WLS: variants seen among roughly 807,000 people sequenced by gnomAD.
The protein encoded by WLS is protein wntless homolog.
A neutral mutation model predicts 62.8 loss-of-function variants in WLS; 23 were observed. The observed-to-expected ratio is 0.37, with a 90% CI of 0.26 to 0.52. WLS has a LOEUF of 0.52. WLS is among the 20% of genes least tolerant of loss of function. WLS has a pLI of 0.92. For missense variants in WLS, 615 were observed against 697.3 expected (o/e 0.88, Z 1.33); for synonymous variants, 246 against 244.1 (o/e 1.01, Z -0.07).
chr1:68,211,227 C>G (rs570261319), intron 1 of WLS, among the ~76,000 whole-genome samples: 1 of 151,652 alleles, frequency 6.6e-6, no homozygotes, highest in Admixed American at 6.6e-5. Flanking sequence ...CTTGGAAAAC[C>G]GACTACATTG....
chr1:68,174,836 C>G (rs1431484468), intron 2 of WLS, among the ~76,000 whole-genome samples: 1 of 152,196 alleles, frequency 6.6e-6, no homozygotes, highest in Non-Finnish European at 1.5e-5. Flanking sequence ...CATTGATGTT[C>G]CTATCATGTA....
intron 10 of WLS, among the ~76,000 whole-genome samples, chr1:68,140,657 G>C (rs1646672299): frequency 6.6e-6 from 1 of 152,184 alleles, no homozygotes; most frequent in South Asian, 2.1e-4. Context: ...TGGAGTTGCA[G>C]AATTACACAC....
chr1:68,103,002 G>A (rs1274773041), intron 11 of WLS, among the ~76,000 whole-genome samples: 1 of 151,902 alleles, frequency 6.6e-6, no homozygotes, highest in Non-Finnish European at 1.5e-5. Context: ...TTTGCCGGGG[G>A]CACTGTCACC....
chr1:68,227,400 C>T (rs542003644), intron 1 of WLS, among the ~76,000 whole-genome samples: 103 of 84,300 alleles, frequency 1.2e-3, no homozygotes, highest in Non-Finnish European at 2.0e-3. Context: ...AACGAGACTC[C>T]GTCACAAAAA....
In WLS at chr1:68,162,545, G is replaced by A. The variant is rs143075019; in HGVS notation, c.380-3298C>T. ...CTGCGATCAAAGCCGATGAGGCCCA[G>A]CATTTCCCCACGGATGCTGGCCGAT... is the stretch of plus-strand genomic sequence containing the variant. On this transcript the variant is annotated intron_variant, in intron 2 of 11. Coordinates refer to ENST00000262348, the MANE Select transcript of WLS (RefSeq NM_024911.7). The A allele has an allele frequency of 5.8e-3, 9,228 of 1,597,926 alleles. 49 individuals are homozygous for A. Among genetic ancestry groups the A allele is most frequent in the Non-Finnish European group, 6.5e-3 (7,624 of 1,165,380 alleles).
chr1:68,143,312 C>T (rs1330008940), intron 10 of WLS, among the ~76,000 whole-genome samples: 1 of 152,156 alleles, frequency 6.6e-6, no homozygotes, highest in Non-Finnish European at 1.5e-5. Context: ...GCAAAAGAGT[C>T]AGAAGGACTG....
intron 1 of WLS, among the ~76,000 whole-genome samples, chr1:68,196,950 G>A (rs1376357029): frequency 6.6e-6 from 1 of 152,142 alleles, no homozygotes; most frequent in Non-Finnish European, 1.5e-5. Context: ...TTTTAATGTG[G>A]TTGGAGAAAT....
intron 1 of WLS, chr1:68,202,602 C>A (rs1455288304): frequency 1.3e-5 from 2 of 152,164 alleles, no homozygotes; most frequent in African/African-American, 4.8e-5. Flanking sequence ...AGTGGCTCAT[C>A]TGTTGACGCT....
At chr1:68,125,351 G>C (rs191974585), downstream of WLS, 1 of 985,234 alleles carries the variant, frequency 1.0e-6, no homozygotes, top group Non-Finnish European at 1.2e-6. Context: ...TAATCTGCAC[G>C]CATGTGTATG....
chr1:68,101,895 T>C (rs575119756), intron 11 of WLS, among the ~76,000 whole-genome samples: 1 of 152,376 alleles, frequency 6.6e-6, no homozygotes, highest in East Asian at 1.9e-4. Flanking sequence ...AAAATTTCAA[T>C]AACTTCATAT....
chr1:68,210,915 A>C (rs1272957834), intron 1 of WLS, among the ~76,000 whole-genome samples: 1 of 152,180 alleles, frequency 6.6e-6, no homozygotes, highest in African/African-American at 2.4e-5. Context: ...ACAAACAGAA[A>C]AAAACCCACC....
At chr1:68,152,091 G>T (rs1323943110) in intron 5 of WLS, among the ~76,000 whole-genome samples, 1 of 152,188 alleles carries the variant, frequency 6.6e-6, no homozygotes, top group Non-Finnish European at 1.5e-5. Context: ...TACATTTCCA[G>T]TCTGAACAAC....
intron 11 of WLS, among the ~76,000 whole-genome samples, chr1:68,105,080 G>A (rs1646126467): frequency 6.6e-6 from 1 of 152,138 alleles, no homozygotes; most frequent in Admixed American, 6.6e-5. Flanking sequence ...AGACCAGCAT[G>A]TTTAATAAGG....
chr1:68,192,837 G>A (rs1395203938), intron 2 of WLS, among the ~76,000 whole-genome samples: 3 of 148,204 alleles, frequency 2.0e-5, no homozygotes, highest in Non-Finnish European at 4.4e-5. Context: ...GCTCACACCT[G>A]TAATCCCAGC....
At chr1:68,219,401 C>A (rs1649858207) in intron 1 of WLS, among the ~76,000 whole-genome samples, 1 of 152,152 alleles carries the variant, frequency 6.6e-6, no homozygotes, top group Non-Finnish European at 1.5e-5. Flanking sequence ...CTTTCCAACT[C>A]CAAAATTGTA....
At chr1:68,162,279 G>C in intron 2 of WLS, 2 of 1,598,526 alleles carry the variant, frequency 1.3e-6, no homozygotes, top group Non-Finnish European at 1.7e-6. Flanking sequence ...GGCCACCACG[G>C]GGTGCGTTCA....
chr1:68,148,042 A>T (rs141652787), intron 8 of WLS, 94 bp downstream of exon 8: 1 of 1,306,934 alleles, frequency 7.7e-7, no homozygotes, highest in African/African-American at 1.5e-5. Flanking sequence ...GGCTGAGTAC[A>T]TATGGGGAGC....
chr1:68,155,524 TCCTTC>T (rs1272350376), intron 3 of WLS, among the ~76,000 whole-genome samples: 11 of 152,214 alleles, frequency 7.2e-5, no homozygotes, highest in Admixed American at 2.0e-4. Context: ...AGAGATACCT[TCCTTC>T]TATCTCCTAA....
At chr1:68,160,137 T>C (rs2100500758) in intron 2 of WLS, among the ~76,000 whole-genome samples, 1 of 135,104 alleles carries the variant, frequency 7.4e-6, no homozygotes, top group South Asian at 2.6e-4. Flanking sequence ...GTCCATTAAA[T>C]CAACTTCAAG....
Sources: gnomAD v4.1 joint callset for allele counts (sites outside exome capture counted in the v4.1 genomes callset) on GRCh38, gnomAD v4.1.1 for gene constraint, MANE v1.5 for transcripts, NCBI Gene and HGNC (gene_info 2026-07-23, HGNC 2026-07-21) for gene names.